The following SCLT1 variants were observed in gnomAD, a reference collection of about 807,000 sequenced individuals.
SCLT1 encodes the protein sodium channel-associated protein 1.
SCLT1 carries 78 observed loss-of-function variants against 112.8 expected under a neutral mutation model. The observed-to-expected ratio is 0.69, with a 90% CI of 0.58 to 0.83. The LOEUF (loss-of-function observed/expected upper bound fraction) is 0.83. Ranked by LOEUF, SCLT1 falls within the 40% of genes least tolerant of loss-of-function variation. The pLI is 0.00. For synonymous variants in SCLT1, 257 were observed against 254.7 expected, an observed-to-expected ratio of 1.01 and a Z score of -0.09; for missense variants, 747 against 770.4, an observed-to-expected ratio of 0.97 and a Z score of 0.36.
At chr4:129,010,457 C>T (rs1744417017) in intron 5 of SCLT1, among the ~76,000 whole-genome samples, 1 of 152,124 alleles carries the variant, frequency 6.6e-6, no homozygotes, top group African/African-American at 2.4e-5. Flanking sequence ...TGAAGAATCT[C>T]AATGGTAGTT....
intron 3 of SCLT1, among the ~76,000 whole-genome samples, chr4:128,877,226 A>T (rs1014328124): frequency 6.6e-6 from 1 of 152,224 alleles, no homozygotes; most frequent in Non-Finnish European, 1.5e-5. Context: ...TAATCCTTAT[A>T]ACGTGAAGTA....
chr4:128,932,276 T>A (rs1359192181), intron 18 of SCLT1, among the ~76,000 whole-genome samples: 1 of 152,126 alleles, frequency 6.6e-6, no homozygotes, highest in African/African-American at 2.4e-5. Context: ...GATTTAGTAA[T>A]AAAAATTGAA....
intron 14 of SCLT1, chr4:128,952,545 G>A: frequency 1.8e-6 from 1 of 570,326 alleles, no homozygotes; most frequent in East Asian, 3.2e-5. Flanking sequence ...GTCAAAGACA[G>A]GTAGTTACAG....
intron 5 of SCLT1, among the ~76,000 whole-genome samples, chr4:129,023,270 C>T (rs565594786): frequency 2.6e-5 from 4 of 152,074 alleles, no homozygotes; most frequent in East Asian, 1.9e-4. Context: ...AGCATCATGG[C>T]GACAGGATCA....
intron 17 of SCLT1, among the ~76,000 whole-genome samples, chr4:128,938,700 G>T (rs189196023): frequency 6.6e-6 from 1 of 152,230 alleles, no homozygotes; most frequent in East Asian, 1.9e-4. Context: ...CTGATCTATG[G>T]GCCAGGTGTG....
intron 5 of SCLT1, among the ~76,000 whole-genome samples, chr4:129,033,037 T>C (rs1418654283): frequency 1.3e-5 from 2 of 152,182 alleles, no homozygotes; most frequent in African/African-American, 2.4e-5. Context: ...TGTACACATA[T>C]GTTTACTGAA....
chr4:128,898,854 C>G (rs13113668), intron 18 of SCLT1, among the ~76,000 whole-genome samples: 37,168 of 152,070 alleles, frequency 0.24, 4,742 homozygotes, highest in Middle Eastern at 0.36. Flanking sequence ...CACCACCAAT[C>G]TCACAGAAAT....
intron 6 of SCLT1, 52 bp from the exon 7 acceptor site, chr4:128,999,846 A>G (rs376562130): frequency 8.5e-5 from 109 of 1,282,688 alleles, no homozygotes; most frequent in Non-Finnish European, 1.2e-4. Flanking sequence ...TATTTATTGT[A>G]TAGTACAAAT....
intron 15 of SCLT1, among the ~76,000 whole-genome samples, 161 bp downstream of exon 15, chr4:128,948,335 C>CAAAAAA (rs11312069): frequency 3.7e-3 from 179 of 47,928 alleles, no homozygotes; most frequent in Non-Finnish European, 4.9e-3. Context: ...GACTCCATTG[C>CAAAAAA]AAAAAAAAAA....
chr4:129,071,789 T>C (rs1222104154), intron 2 of SCLT1, among the ~76,000 whole-genome samples: 12 of 152,162 alleles, frequency 7.9e-5, no homozygotes, highest in African/African-American at 2.2e-4. Flanking sequence ...ATTTAGGCCA[T>C]TTACATTCAG....
Position 128,969,740 on chromosome 4 carries a change from ACTT to A in SCLT1, c.777+635_777+637del, listed in dbSNP as rs1443043145. On this transcript the variant is annotated intron_variant, in intron 10 of 20. Coordinates refer to ENST00000281142, the MANE Select transcript of SCLT1 (RefSeq NM_144643.4). The stretch of plus-strand genomic sequence containing the variant: ...AAATTTAACAATTCTTATTTCTTTT[ACTT>A]CTTTCTGTTTTGGGTGCTTTCTGGT... Among the ~76,000 whole-genome samples, 3 of 152,130 alleles carry A rather than the reference ACTT, an allele frequency of 2.0e-5. No individual in the cohort carries two copies. In the East Asian group the frequency reaches 5.8e-4, roughly 29 times the overall value.
chr4:129,022,516 C>T (rs910987862), intron 5 of SCLT1, among the ~76,000 whole-genome samples: 12 of 152,038 alleles, frequency 7.9e-5, no homozygotes, highest in African/African-American at 2.9e-4. Flanking sequence ...GTATCAATAG[C>T]CAAATCGATC....
intron 5 of SCLT1, among the ~76,000 whole-genome samples, chr4:129,007,894 T>C (rs1353617753): frequency 6.6e-6 from 1 of 152,186 alleles, no homozygotes; most frequent in Non-Finnish European, 1.5e-5. Flanking sequence ...AGCTTGGAAG[T>C]GATAGAATCT....
At chr4:128,897,429 C>T (rs2125930131) in intron 18 of SCLT1, among the ~76,000 whole-genome samples, 1 of 151,116 alleles carries the variant, frequency 6.6e-6, no homozygotes, top group East Asian at 1.9e-4. Flanking sequence ...AACTAAGCTT[C>T]ATAAGTGAAG....
intron 1 of SCLT1, among the ~76,000 whole-genome samples, chr4:129,087,073 T>C (rs1752456134): frequency 1.3e-5 from 2 of 152,096 alleles, no homozygotes; most frequent in African/African-American, 2.4e-5. Flanking sequence ...TCCAGGGCCA[T>C]GACACGGGGG....
At chr4:129,025,930 A>T (rs1009354268) in intron 5 of SCLT1, among the ~76,000 whole-genome samples, 2 of 152,132 alleles carry the variant, frequency 1.3e-5, no homozygotes, top group East Asian at 3.9e-4. Context: ...CTTTAAACCA[A>T]CAAAGATCAA....
intron 2 of SCLT1, among the ~76,000 whole-genome samples, chr4:129,050,727 T>C (rs1748702795): frequency 6.6e-6 from 1 of 152,246 alleles, no homozygotes; most frequent in Non-Finnish European, 1.5e-5. Context: ...AGAAGCTCTT[T>C]AGTTTAATTG....
At chr4:129,003,433 T>TAAAAAAAAAAAAAAAA (rs533529824) in intron 6 of SCLT1, among the ~76,000 whole-genome samples, 1 of 98,582 alleles carries the variant, frequency 1.0e-5, no homozygotes, top group Non-Finnish European at 2.2e-5. Flanking sequence ...AAAGTATAAT[T>TAAAAAAAAAAAAAAAA]AAAAAAAAAA....
At chr4:128,968,257 T>C (rs1034636170) in intron 10 of SCLT1, among the ~76,000 whole-genome samples, 19 of 152,226 alleles carry the variant, frequency 1.2e-4, no homozygotes, top group African/African-American at 4.6e-4. Context: ...TTGTTCATTT[T>C]TCTTCAATCT....
Sources: gnomAD v4.1 joint callset for allele counts (sites outside exome capture counted in the v4.1 genomes callset) on GRCh38, gnomAD v4.1.1 for gene constraint, MANE v1.5 for transcripts, NCBI Gene and HGNC (gene_info 2026-07-23, HGNC 2026-07-21) for gene names.